Variants in NRXN1 observed in about 807,000 individuals in gnomAD.
NRXN1 encodes neurexin-1.
A neutral mutation model predicts 150.9 loss-of-function variants in NRXN1; 39 were observed. The observed-to-expected ratio is 0.26, with a 90% CI of 0.20 to 0.34. NRXN1 has a LOEUF of 0.34. Ranked by LOEUF, NRXN1 falls within the 10% of genes least tolerant of loss-of-function variation. The pLI is 1.00. For synonymous variants in NRXN1, 924 were observed against 757.0 expected (o/e 1.22, Z -3.62); for missense variants, 1,815 against 1,949.9 (o/e 0.93, Z 1.30).
At chr2:50,105,153 A>G (rs903941078) in intron 18 of NRXN1, 1 of 151,966 alleles carries the variant, frequency 6.6e-6, no homozygotes, top group African/African-American at 2.4e-5. Context: ...GCCAGATGAG[A>G]GTATCCTAGA....
chr2:50,249,479 G>A (rs1369645895), intron 17 of NRXN1, among the ~76,000 whole-genome samples: 3 of 151,880 alleles, frequency 2.0e-5, no homozygotes, highest in Admixed American at 1.3e-4. Context: ...TATAATTTAA[G>A]AATAAAAACA....
intron 2 of NRXN1, among the ~76,000 whole-genome samples, chr2:50,956,585 TA>T (rs1160381624): frequency 1.3e-5 from 2 of 151,938 alleles, no homozygotes. Flanking sequence ...CTGTCTATAC[TA>T]AAAATACAAA....
intron 18 of NRXN1, among the ~76,000 whole-genome samples, chr2:50,107,539 A>ATATATATTTATATATTTT (rs59921941): frequency 7.7e-6 from 1 of 129,884 alleles, no homozygotes; most frequent in African/African-American, 2.9e-5. Context: ...ATATATATAT[A>ATATATATTTATATATTTT]TTTTTTTTTT....
At chr2:50,687,146 C>T (rs1691354540) in intron 5 of NRXN1, among the ~76,000 whole-genome samples, 2 of 152,062 alleles carry the variant, frequency 1.3e-5, no homozygotes, top group South Asian at 4.1e-4. Flanking sequence ...TATTTACAAC[C>T]AAATTATAGG....
chr2:50,482,833 G>A (rs2090570773), intron 15 of NRXN1, among the ~76,000 whole-genome samples: 3 of 151,836 alleles, frequency 2.0e-5, no homozygotes, highest in Non-Finnish European at 4.4e-5. Flanking sequence ...CGGTGGCTCA[G>A]GCCTATAATC....
chr2:50,880,149 A>G (rs1182667386), intron 5 of NRXN1, among the ~76,000 whole-genome samples: 1 of 151,996 alleles, frequency 6.6e-6, no homozygotes, highest in Non-Finnish European at 1.5e-5. Flanking sequence ...ATAAGCAAAG[A>G]AGCTGGGTTT....
chr2:50,913,414 A>C (rs932428836), intron 5 of NRXN1, among the ~76,000 whole-genome samples: 1 of 151,782 alleles, frequency 6.6e-6, no homozygotes, highest in Non-Finnish European at 1.5e-5. Flanking sequence ...AGACTTTATA[A>C]TGCCAAGTCC....
intron 5 of NRXN1, among the ~76,000 whole-genome samples, chr2:50,692,335 T>C (rs1692199239): frequency 6.6e-6 from 1 of 152,216 alleles, no homozygotes; most frequent in Non-Finnish European, 1.5e-5. Context: ...ATTTTATTGT[T>C]ACTTTGTGAT....
At chr2:50,610,141 C>T (rs919679856) in intron 8 of NRXN1, among the ~76,000 whole-genome samples, 9 of 152,094 alleles carry the variant, frequency 5.9e-5, no homozygotes, top group Admixed American at 5.9e-4. Context: ...AAGAGTATAT[C>T]ATCTCATAAT....
intron 22 of NRXN1, among the ~76,000 whole-genome samples, chr2:49,939,187 A>T (rs911821301): frequency 1.3e-5 from 2 of 152,212 alleles, no homozygotes; most frequent in African/African-American, 2.4e-5. Context: ...ACATAGCAAT[A>T]ACTATGCTGG....
At chr2:50,686,821 T>C (rs1322741459) in intron 5 of NRXN1, among the ~76,000 whole-genome samples, 1 of 152,206 alleles carries the variant, frequency 6.6e-6, no homozygotes, top group African/African-American at 2.4e-5. Context: ...GTTGATTAGG[T>C]CAAGGCATCT....
At chr2:50,868,144 TATATATATATATATATATATATATA>T (rs1677213580) in intron 5 of NRXN1, among the ~76,000 whole-genome samples, 1 of 4,180 alleles carries the variant, frequency 2.4e-4, no homozygotes, top group Non-Finnish European at 5.0e-4. Context: ...CAAAATATTA[TATATATATATATATATATATATATA>T]TATATATATA....
At chr2:50,626,982 C>A (rs948406041) in intron 5 of NRXN1, among the ~76,000 whole-genome samples, 9 of 151,694 alleles carry the variant, frequency 5.9e-5, no homozygotes, top group African/African-American at 2.2e-4. Context: ...GAATAATGAA[C>A]AGATATTCAT....
intron 8 of NRXN1, among the ~76,000 whole-genome samples, chr2:50,565,949 T>C (rs1199868379): frequency 6.6e-6 from 1 of 152,178 alleles, no homozygotes; most frequent in African/African-American, 2.4e-5. Context: ...ACTGGCTTAT[T>C]GAAGACTCCT....
At chr2:50,180,043 G>A (rs1056273404) in intron 18 of NRXN1, among the ~76,000 whole-genome samples, 8 of 152,006 alleles carry the variant, frequency 5.3e-5, no homozygotes, top group African/African-American at 1.7e-4. Context: ...TTAGAGACAG[G>A]CTCTCACTCT....
chr2:50,908,365 A>C (rs1394506334), intron 5 of NRXN1, among the ~76,000 whole-genome samples: 1 of 148,720 alleles, frequency 6.7e-6, no homozygotes, highest in East Asian at 2.0e-4. Context: ...TCACACATAC[A>C]CACACACACA....
intron 2 of NRXN1, among the ~76,000 whole-genome samples, chr2:50,986,739 TA>T (rs1697779754): frequency 7.1e-6 from 1 of 141,458 alleles, no homozygotes; most frequent in African/African-American, 2.5e-5. Flanking sequence ...CAAATATTCA[TA>T]TTTTTTTTCC....
At chr2:50,630,969 T>C (rs961405) in intron 5 of NRXN1, 12 of 359,594 alleles carry the variant, frequency 3.3e-5, no homozygotes, top group South Asian at 2.8e-4. Flanking sequence ...AGAAAAGGAA[T>C]GTCTGCTTAT....
intron 21 of NRXN1, among the ~76,000 whole-genome samples, chr2:49,959,221 T>A (rs1234836740): frequency 6.6e-6 from 1 of 152,184 alleles, no homozygotes; most frequent in African/African-American, 2.4e-5. Flanking sequence ...AGCCTCCTTT[T>A]GTGTTCCACT....
Sources: allele counts gnomAD v4.1 joint callset (sites outside exome capture counted in the v4.1 genomes callset), GRCh38; gene constraint gnomAD v4.1.1; transcripts MANE v1.5; gene names NCBI Gene and HGNC (gene_info 2026-07-23, HGNC 2026-07-21).